The following DIAPH2 variants were observed in gnomAD, a reference collection of about 807,000 sequenced individuals.
DIAPH2 encodes the protein diaphanous related formin 2.
Under a neutral mutation model 92.7 loss-of-function variants are expected in DIAPH2, and 35 were observed. That is an observed-to-expected ratio of 0.38 (90% confidence interval 0.29 to 0.50). The LOEUF (loss-of-function observed/expected upper bound fraction) is 0.50. DIAPH2 is among the 20% of genes least tolerant of loss of function. DIAPH2 has a pLI of 0.94. For synonymous variants in DIAPH2, 301 were observed against 280.4 expected, an observed-to-expected ratio of 1.07 and a Z score of -0.73; for missense variants, 701 against 819.5, an observed-to-expected ratio of 0.86 and a Z score of 1.77.
chrX:97,450,108 C>T (rs1157927699), intron 26 of DIAPH2, among the ~76,000 whole-genome samples: 1 of 111,012 alleles, frequency 9.0e-6, no homozygotes, highest in East Asian at 2.8e-4. Flanking sequence ...TGCGATTCTT[C>T]AAATTCTACA....
intron 24 of DIAPH2, among the ~76,000 whole-genome samples, chrX:97,353,094 G>A (rs996758767): frequency 3.6e-5 from 4 of 109,654 alleles, no homozygotes; most frequent in East Asian, 2.8e-4. Flanking sequence ...CTGACTTGAC[G>A]ACTGTGCAAT....
chrX:96,948,575 A>C (rs2065752837), intron 14 of DIAPH2, among the ~76,000 whole-genome samples: 1 of 112,215 alleles, frequency 8.9e-6, no homozygotes, highest in Admixed American at 9.4e-5. Context: ...CTCTGTCTCA[A>C]ACGGTATGGG....
intron 22 of DIAPH2, among the ~76,000 whole-genome samples, chrX:97,156,294 A>C (rs2067322382): frequency 8.9e-6 from 1 of 112,310 alleles, no homozygotes; most frequent in South Asian, 3.7e-4. Context: ...TGAAGGGACT[A>C]TACAGAATTC....
At position 97,156,820 on chromosome X, in the gene DIAPH2, C is replaced by A. The variant is rs187113485; in HGVS notation, c.2719+15026C>A. 5.4e-5 allele frequency among the ~76,000 whole-genome samples: 6 copies of A among 111,460 alleles called. No homozygotes were observed. In the Admixed American group the frequency reaches 5.8e-4, roughly 11 times the overall value. The stretch of plus-strand genomic sequence containing the variant: ...CACACATGATTCCCTGAGTAGATTT[C>A]ATTTCTAGTATCAGCAGTGTCATAC... On this transcript the variant is annotated intron_variant, in intron 22 of 26. Coordinates refer to ENST00000324765, the MANE Select transcript of DIAPH2 (RefSeq NM_006729.5).
chrX:97,353,846 G>A (rs145251925), intron 24 of DIAPH2, among the ~76,000 whole-genome samples: 1 of 111,242 alleles, frequency 9.0e-6, no homozygotes, highest in East Asian at 2.8e-4. Context: ...AGACCGGGTT[G>A]CTCTGTTTCC....
At chrX:97,273,945 C>T (rs971498682) in intron 23 of DIAPH2, among the ~76,000 whole-genome samples, 18 of 108,943 alleles carry the variant, frequency 1.7e-4, no homozygotes, top group Non-Finnish European at 2.5e-4. Context: ...TCATCATTTT[C>T]CTTCTAATGA....
chrX:96,780,394 A>ATG (rs1175093214), intron 4 of DIAPH2, among the ~76,000 whole-genome samples: 8 of 111,460 alleles, frequency 7.2e-5, no homozygotes, highest in East Asian at 2.8e-4. Flanking sequence ...ATTATTTAAA[A>ATG]TGTGTGTGTG....
intron 22 of DIAPH2, among the ~76,000 whole-genome samples, chrX:97,174,437 A>G (rs1177610350): frequency 8.9e-6 from 1 of 111,836 alleles, no homozygotes; most frequent in Non-Finnish European, 1.9e-5. Flanking sequence ...GGAGGACGCT[A>G]CTAGCTGAGT....
chrX:97,071,195 A>T (rs2147910735), intron 17 of DIAPH2, among the ~76,000 whole-genome samples: 1 of 111,938 alleles, frequency 8.9e-6, no homozygotes, highest in African/African-American at 3.2e-5. Context: ...ATTTTCTTGT[A>T]TACAATTGTC....
intron 1 of DIAPH2, among the ~76,000 whole-genome samples, chrX:96,718,528 ATTT>A (rs2147546006): frequency 9.4e-6 from 1 of 106,626 alleles, no homozygotes; most frequent in South Asian, 4.3e-4. Flanking sequence ...TAATTTTTGT[ATTT>A]TTAGTAAAGA....
At position 97,539,509 on chromosome X, in the gene DIAPH2, T is replaced by A. The variant is rs758155845; in HGVS notation, c.3242-59744T>A. Among the ~76,000 whole-genome samples the A allele has an allele frequency of 6.2e-5, 7 of 112,365 alleles. No individual in the cohort carries two copies. The East Asian group carries it at 1.7e-3, about 27-fold the overall frequency. ...ATTAGGTTTAAGCCAGATACCAGCC[T>A]ATGTCATTTTCTAAAAGCAGAATAA... is the stretch of plus-strand genomic sequence containing the variant. On this transcript the variant is annotated intron_variant, in intron 26 of 26. Transcript: ENST00000324765.
intron 21 of DIAPH2, among the ~76,000 whole-genome samples, chrX:97,118,071 A>T (rs2067028864): frequency 9.0e-6 from 1 of 111,213 alleles, no homozygotes; most frequent in South Asian, 3.8e-4. Context: ...TCAAATAAGG[A>T]TCTTTGTTTG....
Position 96,719,122 on chromosome X carries a change from G to A in DIAPH2, c.133-16636G>A, listed in dbSNP as rs2063973806. Among the ~76,000 whole-genome samples, 3 of 44,408 alleles carry A rather than the reference G, an allele frequency of 6.8e-5. No individual in the cohort carries two copies. The South Asian group carries it at 3.8e-3, about 56-fold the overall frequency. The allele number at this position is 44,408 out of a possible 115,157, so 38.6% of individuals were successfully genotyped here. A position where few individuals can be genotyped will look rare whatever the true frequency, so the allele number is the denominator to read the frequency against. On this transcript the variant is annotated intron_variant, in intron 1 of 26. Transcript: ENST00000324765. ...AGATCTTTTGTCCATTTTAAAATTG[G>A]ATTATTAGATTTTTTTCTCTATATA... is the stretch of plus-strand genomic sequence containing the variant.
intron 26 of DIAPH2, among the ~76,000 whole-genome samples, chrX:97,547,871 T>C (rs1040638348): frequency 3.6e-5 from 4 of 112,087 alleles, no homozygotes; most frequent in African/African-American, 1.3e-4. Flanking sequence ...GAGTTAGGAG[T>C]TGATCCCAGA....
chrX:97,180,436 T>A, intron 22 of DIAPH2, among the ~76,000 whole-genome samples: 1 of 112,072 alleles, frequency 8.9e-6, no homozygotes, highest in Middle Eastern at 4.6e-3. Context: ...TGCAAAAATT[T>A]TCTCCCGTTC....
intron 23 of DIAPH2, among the ~76,000 whole-genome samples, chrX:97,264,008 ACCT>A (rs1049396442): frequency 2.8e-5 from 3 of 107,527 alleles, no homozygotes; most frequent in Non-Finnish European, 5.7e-5. Flanking sequence ...TGCAGCCTCG[ACCT>A]CCTGGGCTCA....
chrX:96,855,380 G>T (rs1021889744), intron 4 of DIAPH2, among the ~76,000 whole-genome samples: 87 of 110,738 alleles, frequency 7.9e-4, no homozygotes, highest in African/African-American at 2.7e-3. Flanking sequence ...TAGCATATAA[G>T]AGCAAGGGCT....
intron 4 of DIAPH2, among the ~76,000 whole-genome samples, chrX:96,866,480 C>T (rs2065105401): frequency 8.9e-6 from 1 of 111,902 alleles, no homozygotes; most frequent in South Asian, 3.7e-4. Flanking sequence ...CATTAACCTA[C>T]TGAGCTCCAG....
chrX:96,867,654 A>T (rs1433745295), intron 4 of DIAPH2, among the ~76,000 whole-genome samples: 1 of 112,056 alleles, frequency 8.9e-6, no homozygotes, highest in African/African-American at 3.2e-5. Context: ...TGAATAACCT[A>T]TACATGCATC....
Sources: gnomAD v4.1 joint callset for allele counts (sites outside exome capture counted in the v4.1 genomes callset) on GRCh38, gnomAD v4.1.1 for gene constraint, MANE v1.5 for transcripts, NCBI Gene and HGNC (gene_info 2026-07-23, HGNC 2026-07-21) for gene names.